Variants in STARD13 observed in about 807,000 individuals in gnomAD.
The protein encoded by STARD13 is StAR related lipid transfer domain containing 13, also known as stAR-related lipid transfer protein 13.
A neutral mutation model predicts 106.4 loss-of-function variants in STARD13; 62 were observed. The ratio of observed to expected loss-of-function variants is 0.58; its 90% CI spans 0.48 to 0.72. The LOEUF (loss-of-function observed/expected upper bound fraction) is 0.72, where lower values mean the gene tolerates loss of function less well. Among genes scored for constraint, STARD13 ranks in the 30% least tolerant of loss-of-function variants. The pLI, the probability that STARD13 is intolerant of heterozygous loss-of-function variation, is 0.00. For synonymous variants in STARD13, 565 were observed against 553.0 expected, an observed-to-expected ratio of 1.02 and a Z score of -0.31; for missense variants, 1,387 against 1,424.0, an observed-to-expected ratio of 0.97 and a Z score of 0.42.
chr13:33,553,378 A>G, the STARD13 span, among the ~76,000 whole-genome samples: 1 of 151,982 alleles, frequency 6.6e-6, no homozygotes, highest in Non-Finnish European at 1.5e-5. Context: ...AATATAAGAA[A>G]TAATGCTTAT....
At chr13:33,573,651 A>T in the STARD13 span, among the ~76,000 whole-genome samples, 2 of 152,174 alleles carry the variant, frequency 1.3e-5, no homozygotes, top group African/African-American at 4.8e-5. Flanking sequence ...TTTAAAGTAA[A>T]TAGGTATTCA....
intron 1 of STARD13, among the ~76,000 whole-genome samples, chr13:33,198,207 T>C (rs1886778262): frequency 6.6e-6 from 1 of 152,160 alleles, no homozygotes; most frequent in Admixed American, 6.5e-5. Context: ...CAACACCAAA[T>C]ATGTCAACCT....
chr13:33,448,359 T>C, the STARD13 span, among the ~76,000 whole-genome samples: 1 of 152,194 alleles, frequency 6.6e-6, no homozygotes, highest in Admixed American at 6.5e-5. Flanking sequence ...CATCATGCAG[T>C]ATTCATCTTT....
intron 3 of STARD13, among the ~76,000 whole-genome samples, chr13:33,162,217 C>T (rs1088240): frequency 0.65 from 99,377 of 152,082 alleles, 32,604 homozygotes; most frequent in Non-Finnish European, 0.68. Context: ...ACAAGGCAAG[C>T]CCCTTCTGCC....
chr13:33,521,420 A>C, the STARD13 span, among the ~76,000 whole-genome samples: 1 of 152,236 alleles, frequency 6.6e-6, no homozygotes, highest in African/African-American at 2.4e-5. Context: ...ACTCTTTAGA[A>C]GTTGTTCTCT....
the STARD13 span, among the ~76,000 whole-genome samples, chr13:33,382,542 C>T: frequency 6.6e-6 from 1 of 152,122 alleles, no homozygotes; most frequent in Non-Finnish European, 1.5e-5. Flanking sequence ...GGGAGGGACC[C>T]TGATTCTGCT....
At chr13:33,244,852 C>A (rs1282180558) in intron 1 of STARD13, among the ~76,000 whole-genome samples, 1 of 152,154 alleles carries the variant, frequency 6.6e-6, no homozygotes, top group Non-Finnish European at 1.5e-5. Context: ...ACCAAATTGC[C>A]AACATACAGA....
intron 1 of STARD13, among the ~76,000 whole-genome samples, chr13:33,236,418 G>A (rs1244671515): frequency 6.6e-6 from 1 of 152,226 alleles, no homozygotes; most frequent in Non-Finnish European, 1.5e-5. Flanking sequence ...CTGCGTGAGT[G>A]TTAGAGATTT....
chr13:33,541,046 T>C, the STARD13 span, among the ~76,000 whole-genome samples: 3 of 152,182 alleles, frequency 2.0e-5, no homozygotes, highest in African/African-American at 7.2e-5. Context: ...TATTTCTGAA[T>C]ATATGTGTAC....
intron 3 of STARD13, among the ~76,000 whole-genome samples, chr13:33,163,401 C>T (rs1158858033): frequency 1.3e-5 from 2 of 151,328 alleles, no homozygotes; most frequent in African/African-American, 2.4e-5. Flanking sequence ...ACCAGCCTGG[C>T]CAACATGGTG....
the STARD13 span, among the ~76,000 whole-genome samples, chr13:33,506,796 C>A: frequency 6.6e-6 from 1 of 152,146 alleles, no homozygotes; most frequent in Non-Finnish European, 1.5e-5. Flanking sequence ...AGAATACATA[C>A]AATTATCTAA....
chr13:33,384,501 TA>T, the STARD13 span, among the ~76,000 whole-genome samples: 46 of 152,318 alleles, frequency 3.0e-4, no homozygotes, highest in African/African-American at 1.1e-3. Flanking sequence ...CATTTAATAT[TA>T]ATAAGCTGCA....
the STARD13 span, among the ~76,000 whole-genome samples, chr13:33,593,266 C>A: frequency 0.036 from 5,519 of 152,052 alleles, 257 homozygotes; most frequent in African/African-American, 0.099. Flanking sequence ...CCCACTGCAA[C>A]CTCTGCCTCC....
At chr13:33,206,937 C>T (rs1266778990) in intron 1 of STARD13, among the ~76,000 whole-genome samples, 1 of 152,064 alleles carries the variant, frequency 6.6e-6, no homozygotes, top group African/African-American at 2.4e-5. Context: ...GCAGTGTCCT[C>T]GAACATGAAA....
chr13:33,166,193 T>C (rs1055187331), intron 2 of STARD13, among the ~76,000 whole-genome samples: 2 of 152,176 alleles, frequency 1.3e-5, no homozygotes, highest in Non-Finnish European at 2.9e-5. Flanking sequence ...ATCTAAATTT[T>C]AGCATGAGTT....
At chr13:33,499,694 C>T in the STARD13 span, among the ~76,000 whole-genome samples, 1 of 103,072 alleles carries the variant, frequency 9.7e-6, no homozygotes, top group Non-Finnish European at 1.8e-5. Context: ...TTCTCTTCTT[C>T]CTCTTCCTCT....
intron 3 of STARD13, among the ~76,000 whole-genome samples, chr13:33,154,625 CA>C (rs10710396): frequency 0.093 from 13,970 of 150,742 alleles, 879 homozygotes; most frequent in East Asian, 0.25. Context: ...GAACTTAAAA[CA>C]AAAAAAAAGT....
At chr13:33,117,144 T>C (rs1875499184) in intron 8 of STARD13, among the ~76,000 whole-genome samples, 1 of 152,216 alleles carries the variant, frequency 6.6e-6, no homozygotes, top group South Asian at 2.1e-4. Context: ...AGTCTCGCTC[T>C]GTCACCCAGG....
At chr13:33,310,254 A>G (rs1893080828) in intron 1 of STARD13, among the ~76,000 whole-genome samples, 1 of 152,120 alleles carries the variant, frequency 6.6e-6, no homozygotes, top group Non-Finnish European at 1.5e-5. Flanking sequence ...TCCGGCTGTC[A>G]ATGAGTTTAA....
Sources: gnomAD v4.1 joint callset for allele counts (sites outside exome capture counted in the v4.1 genomes callset) on GRCh38, gnomAD v4.1.1 for gene constraint, MANE v1.5 for transcripts, NCBI Gene and HGNC (gene_info 2026-07-23, HGNC 2026-07-21) for gene names.